C8orf34: variants seen among roughly 807,000 people sequenced by gnomAD.
The protein encoded by C8orf34 is uncharacterized protein C8orf34.
Under a neutral mutation model 68.3 loss-of-function variants are expected in C8orf34, and 65 were observed. That is an observed-to-expected ratio of 0.95 (90% confidence interval 0.78 to 1.17). The LOEUF (loss-of-function observed/expected upper bound fraction) is 1.17, where lower values mean the gene tolerates loss of function less well. C8orf34 is among the 50% of genes most tolerant of loss of function. The probability of loss-of-function intolerance (pLI) is 0.00; values close to 1 mark genes in which losing one functional copy is unlikely to be tolerated. For synonymous variants in C8orf34, 244 were observed against 241.2 expected (o/e 1.01, Z -0.11); for missense variants, 664 against 655.4 (o/e 1.01, Z -0.14).
chr8:68,458,972 T>C (rs1220663951), intron 3 of C8orf34, among the ~76,000 whole-genome samples: 2 of 152,210 alleles, frequency 1.3e-5, no homozygotes, highest in Non-Finnish European at 2.9e-5. Context: ...AGAAATAGTC[T>C]CCTTCACTTG....
intron 10 of C8orf34, among the ~76,000 whole-genome samples, chr8:68,762,696 C>T (rs1035514244): frequency 5.3e-5 from 8 of 152,172 alleles, no homozygotes; most frequent in African/African-American, 1.7e-4. Flanking sequence ...GATGGGCATA[C>T]CTTCGTAAGA....
chr8:68,462,327 C>T (rs949478241), intron 3 of C8orf34, among the ~76,000 whole-genome samples: 8 of 152,116 alleles, frequency 5.3e-5, no homozygotes, highest in African/African-American at 9.7e-5. Context: ...CTTAGACTCC[C>T]ACACAATAAT....
At chr8:68,673,388 G>C (rs1299586786) in intron 8 of C8orf34, among the ~76,000 whole-genome samples, 1 of 151,988 alleles carries the variant, frequency 6.6e-6, no homozygotes, top group East Asian at 1.9e-4. Context: ...GACCTGCCTG[G>C]GGTCAGAGGA....
At chr8:68,766,126 C>G (rs534006291) in intron 10 of C8orf34, among the ~76,000 whole-genome samples, 1 of 152,082 alleles carries the variant, frequency 6.6e-6, no homozygotes, top group Admixed American at 6.6e-5. Flanking sequence ...CTAGTAATAC[C>G]GCTTATCTGA....
intron 7 of C8orf34, among the ~76,000 whole-genome samples, chr8:68,601,373 T>C (rs1011704670): frequency 6.6e-6 from 1 of 152,094 alleles, no homozygotes; most frequent in African/African-American, 2.4e-5. Flanking sequence ...GTTAACTTTT[T>C]TGTGATTGTT....
chr8:68,407,074 C>A lies in C8orf34; in HGVS notation c.328-32425C>A, dbSNP rs1586070692. ...ATGGATCTACATAGAGGAATCATAC[C>A]CATAGAACTGGAAAAGTAATAACAT... On this transcript the variant is annotated intron_variant, in intron 1 of 13. Transcript: ENST00000518698. Among the ~76,000 whole-genome samples the A allele has an allele frequency of 3.9e-5, 6 of 152,164 alleles. 1 individual carries two copies. The highest frequency in any genetic ancestry group is 3.9e-4 in the Admixed American group (6 of 15,270).
At chr8:68,386,472 A>T (rs1808265250) in intron 1 of C8orf34, among the ~76,000 whole-genome samples, 1 of 152,178 alleles carries the variant, frequency 6.6e-6, no homozygotes, top group Non-Finnish European at 1.5e-5. Flanking sequence ...TTTATTCTGT[A>T]TCTGTTCAGG....
intron 1 of C8orf34, among the ~76,000 whole-genome samples, chr8:68,384,278 T>C (rs1027223468): frequency 1.3e-5 from 2 of 151,412 alleles, no homozygotes; most frequent in Non-Finnish European, 3.0e-5. Flanking sequence ...GCAAAAACAG[T>C]AGGTCAAAAG....
intron 7 of C8orf34, among the ~76,000 whole-genome samples, chr8:68,615,368 A>G (rs1818172701): frequency 6.6e-6 from 1 of 151,056 alleles, no homozygotes; most frequent in African/African-American, 2.4e-5. Flanking sequence ...GTCTTGTGCC[A>G]GTTTTCAAAG....
chr8:68,798,012 A>C, intron 12 of C8orf34, among the ~76,000 whole-genome samples: 1 of 152,228 alleles, frequency 6.6e-6, no homozygotes, highest in East Asian at 1.9e-4. Flanking sequence ...ATAAAAACAC[A>C]TGAAGACAGC....
chr8:68,394,769 A>G (rs1472962846), intron 1 of C8orf34, among the ~76,000 whole-genome samples: 2 of 151,862 alleles, frequency 1.3e-5, no homozygotes, highest in Non-Finnish European at 1.5e-5. Context: ...TGCTGTTGCC[A>G]TCTAGTGGCC....
chr8:68,334,218 T>C (rs1805751124), intron 1 of C8orf34, among the ~76,000 whole-genome samples: 1 of 152,128 alleles, frequency 6.6e-6, no homozygotes, highest in Non-Finnish European at 1.5e-5. Flanking sequence ...TGTTTCCAGC[T>C]GACTCAGGTG....
At chr8:68,634,856 C>T (rs966824589) in intron 7 of C8orf34, among the ~76,000 whole-genome samples, 3 of 152,090 alleles carry the variant, frequency 2.0e-5, no homozygotes, top group Non-Finnish European at 4.4e-5. Context: ...ACTGCAGGAG[C>T]CAATTTCACT....
At chr8:68,754,545 T>TG (rs1436833225) in intron 10 of C8orf34, among the ~76,000 whole-genome samples, 1 of 152,208 alleles carries the variant, frequency 6.6e-6, no homozygotes. Context: ...CAAATTTCCC[T>TG]GGGCCTTGAA....
chr8:68,490,521 G>T (rs897187488), intron 5 of C8orf34, among the ~76,000 whole-genome samples: 3 of 152,066 alleles, frequency 2.0e-5, no homozygotes, highest in Non-Finnish European at 4.4e-5. Flanking sequence ...CAGTAGCTCA[G>T]GGGAATATCC....
intron 7 of C8orf34, among the ~76,000 whole-genome samples, chr8:68,613,572 G>C (rs775907119): frequency 1.1e-4 from 17 of 151,694 alleles, no homozygotes; most frequent in African/African-American, 3.9e-4. Flanking sequence ...AGTTTACTGA[G>C]AATGATGATT....
chr8:68,811,589 C>G (rs1024927979), intron 12 of C8orf34, among the ~76,000 whole-genome samples: 2 of 152,222 alleles, frequency 1.3e-5, no homozygotes, highest in African/African-American at 4.8e-5. Flanking sequence ...CAATCACTAA[C>G]ATTAAATAGA....
intron 7 of C8orf34, among the ~76,000 whole-genome samples, chr8:68,572,801 G>T (rs2130279733): frequency 6.6e-6 from 1 of 152,192 alleles, no homozygotes; most frequent in East Asian, 1.9e-4. Flanking sequence ...GAGTGTGATG[G>T]TCATTGCTTT....
chr8:68,803,924 A>G (rs1824406900), intron 12 of C8orf34, among the ~76,000 whole-genome samples: 1 of 152,260 alleles, frequency 6.6e-6, no homozygotes, highest in East Asian at 1.9e-4. Context: ...AATAGCTTAG[A>G]ATAATATTTT....
Sources: gnomAD v4.1 joint callset for allele counts (sites outside exome capture counted in the v4.1 genomes callset) on GRCh38, gnomAD v4.1.1 for gene constraint, MANE v1.5 for transcripts, NCBI Gene and HGNC (gene_info 2026-07-23, HGNC 2026-07-21) for gene names.